Variants in NAMPT observed in about 807,000 individuals in gnomAD.
The protein encoded by NAMPT is nicotinamide phosphoribosyltransferase, also known as NAmPRTase.
Under a neutral mutation model 58.7 loss-of-function variants are expected in NAMPT, and 7 were observed. The observed-to-expected ratio is 0.12, with a 90% CI of 0.07 to 0.22. The LOEUF (loss-of-function observed/expected upper bound fraction) is 0.22. Ranked by LOEUF, NAMPT falls within the 10% of genes least tolerant of loss-of-function variation. NAMPT has a pLI of 1.00. For missense variants in NAMPT, 271 were observed against 567.9 expected, an observed-to-expected ratio of 0.48 and a Z score of 5.31; for synonymous variants, 145 against 198.1, an observed-to-expected ratio of 0.73 and a Z score of 2.25.
chr7:106,252,845 A>G (rs1792127578), intron 10 of NAMPT, among the ~76,000 whole-genome samples, 172 bp downstream of exon 10: 1 of 152,144 alleles, frequency 6.6e-6, no homozygotes, highest in African/African-American at 2.4e-5. Flanking sequence ...TTTATGACGT[A>G]GACACTTGTT....
chr7:106,266,216 T>A (rs1792404903), intron 6 of NAMPT, among the ~76,000 whole-genome samples: 1 of 152,178 alleles, frequency 6.6e-6, no homozygotes, highest in Non-Finnish European at 1.5e-5. Context: ...TTTGAATATA[T>A]AAGGAGTCAA....
chr7:106,269,971 G>A (rs1792500656), intron 4 of NAMPT, among the ~76,000 whole-genome samples: 1 of 152,116 alleles, frequency 6.6e-6, no homozygotes, highest in South Asian at 2.1e-4. Context: ...AAATATATAA[G>A]TATTTGATAA....
At chr7:106,265,106 C>CT (rs1205120556) in intron 6 of NAMPT, among the ~76,000 whole-genome samples, 4 of 152,034 alleles carry the variant, frequency 2.6e-5, no homozygotes, top group Non-Finnish European at 5.9e-5. Flanking sequence ...CATCTGTAGG[C>CT]TAAATGGAAA....
intron 8 of NAMPT, among the ~76,000 whole-genome samples, chr7:106,258,071 C>A (rs903910154): frequency 3.3e-5 from 5 of 152,222 alleles, no homozygotes; most frequent in African/African-American, 1.2e-4. Flanking sequence ...CTTCTCCCTG[C>A]AGACTTTTCT....
chr7:106,272,468 T>C (rs1792555450), intron 4 of NAMPT, 62 bp downstream of exon 4: 2 of 1,442,118 alleles, frequency 1.4e-6, no homozygotes, highest in Admixed American at 4.1e-5. Flanking sequence ...TTCTAAACTG[T>C]AATCTCAGTT....
intron 10 of NAMPT, among the ~76,000 whole-genome samples, chr7:106,251,949 T>C (rs1792111393): frequency 6.6e-6 from 1 of 151,630 alleles, no homozygotes; most frequent in African/African-American, 2.4e-5. Context: ...CCACCTAGTC[T>C]GAAGATTGAG....
chr7:106,284,500 AAGCCCCGAGCCCCG>A (rs1036920276), intron 1 of NAMPT: 2 of 152,690 alleles, frequency 1.3e-5, no homozygotes, highest in East Asian at 1.9e-4. Flanking sequence ...GGCGACGCCC[AAGCCCCGAGCCCCG>A]AGCCCCGAGC....
chr7:106,267,304 G>T lies in NAMPT; in HGVS notation c.743+1160C>A, dbSNP rs187385399. 7.6e-4 allele frequency among the ~76,000 whole-genome samples: 115 copies of T among 152,270 alleles called. No individual in the cohort carries two copies. The East Asian group carries it at 0.01, about 14-fold the overall frequency. On this transcript the variant is annotated intron_variant, in intron 6 of 10. Transcript: ENST00000222553. ...GTGTATTATTTTCATCCTGAGAATA[G>T]GGTCAGTTTTTTAAAAATATCCTTC...
rs1266768544 is a variant in NAMPT, at chr7:106,277,233, C to A, written c.58-54G>T. ...AAACACCGATGAGTAGACTATAAAT[C>A]ACAACAGAAAAGGCTTGAAGTTATT... On this transcript the variant is annotated intron_variant, in intron 1 of 10. Coordinates refer to ENST00000222553, the MANE Select transcript of NAMPT (RefSeq NM_005746.3). 6 of 1,428,554 alleles carry A rather than the reference C, an allele frequency of 4.2e-6. No homozygotes were observed. The Admixed American group carries it at 8.1e-5, about 19-fold the overall frequency. The allele number at this position is 1,428,554 out of a possible 1,614,324, so 88.5% of individuals were successfully genotyped here.
At chr7:106,267,145 T>A (rs944419303) in intron 6 of NAMPT, among the ~76,000 whole-genome samples, 6 of 152,252 alleles carry the variant, frequency 3.9e-5, no homozygotes, top group African/African-American at 1.2e-4. Flanking sequence ...GTGAAGATTT[T>A]GTATATTTCT....
At chr7:106,274,442 C>T (rs891657111) in intron 3 of NAMPT, among the ~76,000 whole-genome samples, 2 of 152,048 alleles carry the variant, frequency 1.3e-5, no homozygotes, top group South Asian at 4.1e-4. Flanking sequence ...TCAACCTTAA[C>T]TTTTCAAAAG....
At chr7:106,254,639 C>T (rs533967967) in intron 8 of NAMPT, 135 bp from the exon 9 acceptor site, 39 of 1,023,812 alleles carry the variant, frequency 3.8e-5, no homozygotes, top group South Asian at 2.9e-4. Context: ...AATTATAGCC[C>T]GCATTTTGTT....
At chr7:106,253,188 ACTAAT>A (rs751309896) in intron 9 of NAMPT, 37 bp from the exon 10 acceptor site, 28 of 1,601,270 alleles carry the variant, frequency 1.7e-5, no homozygotes, top group Non-Finnish European at 2.4e-5. Context: ...CAAGTAGAAG[ACTAAT>A]CATCAGAAAT....
intron 6 of NAMPT, 184 bp downstream of exon 6, chr7:106,268,280 A>G (rs1792467676): frequency 7.9e-6 from 4 of 509,228 alleles, no homozygotes; most frequent in Non-Finnish European, 1.4e-5. Flanking sequence ...TCTAGCATGG[A>G]TAAAATTTCT....
chr7:106,271,409 T>C (rs1792530919), intron 4 of NAMPT, among the ~76,000 whole-genome samples: 4 of 152,278 alleles, frequency 2.6e-5, no homozygotes, highest in Non-Finnish European at 4.4e-5. Context: ...ATATTAGTGG[T>C]TAGTTCAGAA....
chr7:106,279,109 TTAAA>T (rs1204447071), intron 1 of NAMPT, among the ~76,000 whole-genome samples: 1 of 142,742 alleles, frequency 7.0e-6, no homozygotes, highest in Admixed American at 6.9e-5. Flanking sequence ...TGGACAATAA[TTAAA>T]TATTTATAAT....
At chr7:106,281,065 G>A (rs1462357539) in intron 1 of NAMPT, among the ~76,000 whole-genome samples, 1 of 149,694 alleles carries the variant, frequency 6.7e-6, no homozygotes, top group African/African-American at 2.5e-5. Flanking sequence ...CTAGATAACA[G>A]TAACTGGTAT....
intron 1 of NAMPT, among the ~76,000 whole-genome samples, chr7:106,281,341 G>C (rs1159395653): frequency 6.6e-6 from 1 of 152,044 alleles, no homozygotes; most frequent in Non-Finnish European, 1.5e-5. Flanking sequence ...GATGTCTTAG[G>C]GTTGATTTGA....
chr7:106,257,481 AAG>A (rs1486895626), intron 8 of NAMPT, among the ~76,000 whole-genome samples: 9 of 149,898 alleles, frequency 6.0e-5, no homozygotes, highest in African/African-American at 2.0e-4. Context: ...AAAAAAAAAA[AAG>A]AGTCAGGTGT....
Sources: allele counts gnomAD v4.1 joint callset (sites outside exome capture counted in the v4.1 genomes callset), GRCh38; gene constraint gnomAD v4.1.1; transcripts MANE v1.5; gene names NCBI Gene and HGNC (gene_info 2026-07-23, HGNC 2026-07-21).